MYT1: variants seen among roughly 807,000 people sequenced by gnomAD.
MYT1 encodes myelin transcription factor I.
A neutral mutation model predicts 123.0 loss-of-function variants in MYT1; 23 were observed. That is an observed-to-expected ratio of 0.19 (90% confidence interval 0.13 to 0.26). The LOEUF (loss-of-function observed/expected upper bound fraction) is 0.26, where lower values mean the gene tolerates loss of function less well. Among genes scored for constraint, MYT1 ranks in the 10% least tolerant of loss-of-function variants. The pLI, the probability that MYT1 is intolerant of heterozygous loss-of-function variation, is 1.00. For synonymous variants in MYT1, 518 were observed against 575.3 expected, an observed-to-expected ratio of 0.90 and a Z score of 1.43; for missense variants, 1,125 against 1,472.5, an observed-to-expected ratio of 0.76 and a Z score of 3.86.
Position 64,212,348 on chromosome 20 carries a change from G to A in MYT1, c.1517+210G>A, listed in dbSNP as rs367991920. On this transcript the variant is annotated intron_variant, in intron 9 of 22. Transcript: ENST00000328439. This position sits in a 1 kb window ranked among gnomAD's most constrained non-coding sequence, Gnocchi z 6.8. ...GCCCGTGACCTGGGACGGGGCTCTG[G>A]CCTGCCTGGGGCTCCCTGTGTGCTA... 1.3e-5 allele frequency among the ~76,000 whole-genome samples: 2 copies of A among 152,266 alleles called. No individual in the cohort carries two copies. The highest frequency in any genetic ancestry group is 3.9e-4 in the East Asian group (2 of 5,170).
chr20:64,209,620 A>T (rs1023846694), intron 7 of MYT1, among the ~76,000 whole-genome samples: 7 of 152,100 alleles, frequency 4.6e-5, no homozygotes, highest in Non-Finnish European at 5.9e-5. Context: ...ATGGGAGATG[A>T]CTCAGGTGCT....
At chr20:64,199,234 G>A (rs1983217486) in intron 3 of MYT1, among the ~76,000 whole-genome samples, 1 of 152,194 alleles carries the variant, frequency 6.6e-6, no homozygotes, top group Admixed American at 6.5e-5. Context: ...TCCACCGCCA[G>A]CCCCCTTCCT....
chr20:64,182,452 C>T (rs1052067323), intron 1 of MYT1, among the ~76,000 whole-genome samples: 6 of 152,244 alleles, frequency 3.9e-5, no homozygotes, highest in Admixed American at 3.9e-4. Context: ...TGACATAGCA[C>T]TGGCCGAGGT....
chr20:64,226,481 C>T (rs1430243282), intron 16 of MYT1, among the ~76,000 whole-genome samples: 1 of 152,188 alleles, frequency 6.6e-6, no homozygotes, highest in Non-Finnish European at 1.5e-5. Context: ...CTGCAAAGTG[C>T]CTTTGAGCAG....
At chr20:64,194,339 TC>T (rs2145705627) in intron 2 of MYT1, among the ~76,000 whole-genome samples, 1 of 152,278 alleles carries the variant, frequency 6.6e-6, no homozygotes. Context: ...AGGTCACTGA[TC>T]CATTCACCCT....
chr20:64,183,874 G>T (rs986835001), intron 1 of MYT1, among the ~76,000 whole-genome samples: 1 of 152,178 alleles, frequency 6.6e-6, no homozygotes, highest in Non-Finnish European at 1.5e-5. Flanking sequence ...AGGCTAGAGT[G>T]CAGTCGCATG....
At position 64,193,955 on chromosome 20, in the gene MYT1, G is replaced by A. The variant is rs781282578; in HGVS notation, c.-1+3795G>A. Among the ~76,000 whole-genome samples the A allele has an allele frequency of 7.2e-4, 109 of 152,114 alleles. No homozygotes were observed. Among genetic ancestry groups the A allele is most frequent in the Non-Finnish European group, 1.2e-3 (83 of 68,030 alleles). On this transcript the variant is annotated intron_variant, in intron 2 of 22. Coordinates refer to ENST00000328439, the MANE Select transcript of MYT1 (RefSeq NM_004535.3). This position sits in a 1 kb window ranked among gnomAD's most constrained non-coding sequence, Gnocchi z 4.0. ...CCCAGCGCTGGGGTGAATGGCCCCC[G>A]TGGTGTCAGAATGCCCGGAACCCCC...
rs909197748 is a variant in MYT1, at chr20:64,196,528, A to G, written c.1-2334A>G. On this transcript the variant is annotated intron_variant, in intron 2 of 22. Transcript: ENST00000328439. The surrounding 1 kb of genome is among the most constrained non-coding windows in gnomAD (Gnocchi z 4.3). ...AAATAGCTCAGAAACCAGTGTCCCA[A>G]GTCACCCAGCTCTTACGGGTTCATT... Among the ~76,000 whole-genome samples, 16 of 152,250 alleles carry G rather than the reference A, an allele frequency of 1.1e-4. No homozygotes were observed. The highest frequency in any genetic ancestry group is 7.2e-4 in the Admixed American group (11 of 15,282).
rs1303220372 is a variant in MYT1 at position 64,203,910 on chromosome 20, T to A, written c.87-1125T>A. Among the ~76,000 whole-genome samples the A allele has an allele frequency of 2.6e-5, 4 of 152,198 alleles. No homozygotes were observed. Among genetic ancestry groups the A allele is most frequent in the African/African-American group, 9.7e-5 (4 of 41,440 alleles). ...ACAGGCTCCGGAAGATGTGCTTGGG[T>A]TTTGGAAAGAGCTCAGACTCACAAT... On this transcript the variant is annotated intron_variant, in intron 4 of 22. Transcript: ENST00000328439. This position sits in a 1 kb window ranked among gnomAD's most constrained non-coding sequence, Gnocchi z 5.1.
Position 64,213,884 on chromosome 20 carries a change from C to T in MYT1, c.1631+237C>T, listed in dbSNP as rs564477677. 6.6e-6 allele frequency among the ~76,000 whole-genome samples: 1 copy of T among 152,376 alleles called. No homozygotes were observed. Among genetic ancestry groups the T allele is most frequent in the African/African-American group, 2.4e-5 (1 of 41,588 alleles). Reference sequence around the variant, plus strand: ...TCATGTCTACCACATTCGCCAGTGCCTCAGCCAAAGCGCAAACTCCTGCAC... The same window carrying T: ...TCATGTCTACCACATTCGCCAGTGCTTCAGCCAAAGCGCAAACTCCTGCAC... On this transcript the variant is annotated intron_variant, in intron 10 of 22. Coordinates refer to ENST00000328439, the MANE Select transcript of MYT1 (RefSeq NM_004535.3). The surrounding 1 kb of genome is among the most constrained non-coding windows in gnomAD (Gnocchi z 5.6).
At position 64,239,855 on chromosome 20, in the gene MYT1, G is replaced by A. The variant is rs1984660638; in HGVS notation, c.3189G>A (p.Leu1063=). The A allele has an allele frequency of 6.2e-7, 1 of 1,613,650 alleles. No homozygotes were observed. Among genetic ancestry groups the A allele is most frequent in the South Asian group, 1.1e-5 (1 of 91,092 alleles). Residue 1063 remains leucine, a synonymous_variant, in exon 22 of 23, where the codon CTG becomes CTA. Transcript: ENST00000328439. ...CCCTGTTTCTGGAGCTGTCCGGCCT[G>A]AGCCAGGCCCTCATCCAAAGTCTCG... ...NEALFLELSG[L]SQALIQSLAN...
At chr20:64,235,777 G>T (rs1338208022) in intron 19 of MYT1, among the ~76,000 whole-genome samples, 637 of 60,346 alleles carry the variant, frequency 0.011, 11 homozygotes, top group Middle Eastern at 0.025. Context: ...GGGTGACCCT[G>T]GGATGGCTGT....
chr20:64,237,492 TC>T, intron 21 of MYT1, 102 bp downstream of exon 21: 1 of 910,500 alleles, frequency 1.1e-6, no homozygotes, highest in Non-Finnish European at 1.7e-6. Context: ...AAGGTTGCTG[TC>T]AGGGCTGAGC....
chr20:64,168,648 CT>C lies in MYT1; in HGVS notation c.-99+3912del, dbSNP rs749415231. Among the ~76,000 whole-genome samples, 7 of 152,178 alleles carry C rather than the reference CT, an allele frequency of 4.6e-5. No individual in the cohort carries two copies. Among genetic ancestry groups the C allele is most frequent in the Non-Finnish European group, 1.0e-4 (7 of 68,032 alleles). On this transcript the variant is annotated intron_variant, in intron 1 of 22. Transcript: ENST00000328439. This position sits in a 1 kb window ranked among gnomAD's most constrained non-coding sequence, Gnocchi z 6.1. ...GCAGCCCCAACCTTCAAGAGAGTGA[CT>C]TTGTGCTCTGGCAACTGAGTGTGTG... is the stretch of plus-strand genomic sequence containing the variant.
intron 8 of MYT1, among the ~76,000 whole-genome samples, 190 bp downstream of exon 8, chr20:64,211,530 G>A (rs1018630465): frequency 6.6e-6 from 1 of 152,206 alleles, no homozygotes; most frequent in Non-Finnish European, 1.5e-5. Context: ...TGAGCCCTTT[G>A]AGGCTGGGGC....
At chr20:64,235,996 C>A (rs865878038) in intron 19 of MYT1, among the ~76,000 whole-genome samples, 2,750 of 91,342 alleles carry the variant, frequency 0.03, 84 homozygotes, top group Middle Eastern at 0.061. Context: ...TGACCCTGGG[C>A]TGGCCGCGGT....
intron 20 of MYT1, among the ~76,000 whole-genome samples, chr20:64,236,968 G>A (rs1984572714): frequency 6.6e-6 from 1 of 152,166 alleles, no homozygotes; most frequent in African/African-American, 2.4e-5. Flanking sequence ...TCCCCCTTAG[G>A]TGAGGAAATT....
chr20:64,227,960 C>G lies in MYT1; in HGVS notation c.2664C>G (p.Pro888=). 1 of 1,614,016 alleles carries G rather than the reference C, an allele frequency of 6.2e-7. No individual in the cohort carries two copies. The part of the protein sequence containing the change: ...VAPTKDDKED[P]ELMKCPVPGC... The stretch of plus-strand genomic sequence containing the variant: ...CCACCAAGGACGACAAGGAGGACCC[C>G]GAGCTGATGAAGTACGTTGGGCCAT... Residue 888 remains proline, a synonymous_variant, in exon 18 of 23, where the codon CCC becomes CCG. Coordinates refer to ENST00000328439, the MANE Select transcript of MYT1 (RefSeq NM_004535.3).
chr20:64,187,124 A>G (rs1425404193), intron 1 of MYT1, among the ~76,000 whole-genome samples: 1 of 109,014 alleles, frequency 9.2e-6, no homozygotes. Flanking sequence ...TTCCTGTGGC[A>G]CGTGGCCCCG....
Sources: allele counts gnomAD v4.1 joint callset (sites outside exome capture counted in the v4.1 genomes callset), GRCh38; gene constraint gnomAD v4.1.1; non-coding constraint Gnocchi (gnomAD v3.1); transcripts MANE v1.5; gene names NCBI Gene and HGNC (gene_info 2026-07-23, HGNC 2026-07-21).